FOXN3: variants seen among roughly 807,000 people sequenced by gnomAD.
The protein encoded by FOXN3 is forkhead box protein N3.
In FOXN3, 7 loss-of-function variants were observed where a neutral mutation model predicts 38.4. That is an observed-to-expected ratio of 0.18 (90% CI 0.10 to 0.34). The LOEUF is 0.34. Among genes scored for constraint, FOXN3 ranks in the 10% least tolerant of loss-of-function variants. The pLI is 1.00. For synonymous variants in FOXN3, 230 were observed against 242.2 expected, an observed-to-expected ratio of 0.95 and a Z score of 0.47; for missense variants, 456 against 613.4, an observed-to-expected ratio of 0.74 and a Z score of 2.71.
In FOXN3 at chr14:89,417,098, C is replaced by T. The variant is rs1185971729; in HGVS notation, c.-242G>A. The T allele has an allele frequency of 7.0e-6, 1 of 143,662 alleles. No individual in the cohort carries two copies. Among genetic ancestry groups the T allele is most frequent in the Non-Finnish European group, 1.5e-5 (1 of 64,866 alleles). The allele number at this position is 143,662 out of a possible 1,614,324, so 8.9% of individuals were successfully genotyped here. ...GACCTGCGGCGTCCGCCGGGCGCGCCGCGCGTCCTCCCGCCGGCCCCGCCG... is the reference window on the plus strand; with the variant it reads ...GACCTGCGGCGTCCGCCGGGCGCGCTGCGCGTCCTCCCGCCGGCCCCGCCG... On this transcript the variant is annotated 5_prime_UTR_variant, in exon 1 of 6. Transcript: ENST00000557258.
chr14:89,527,067 A>G (rs1289898142), intron 1 of FOXN3, among the ~76,000 whole-genome samples: 1 of 147,540 alleles, frequency 6.8e-6, no homozygotes, highest in East Asian at 2.1e-4. Flanking sequence ...AGGAGGAGGA[A>G]GGGGAAGGGA....
chr14:89,341,741 G>A (rs773769600), intron 3 of FOXN3, among the ~76,000 whole-genome samples: 8 of 152,076 alleles, frequency 5.3e-5, no homozygotes, highest in Non-Finnish European at 1.2e-4. Flanking sequence ...CGTTGTACAC[G>A]GTTGATTTCA....
At chr14:89,310,127 C>T (rs1011583903) in intron 3 of FOXN3, among the ~76,000 whole-genome samples, 3 of 152,206 alleles carry the variant, frequency 2.0e-5, no homozygotes, top group Admixed American at 2.0e-4. Flanking sequence ...GGGCATAATA[C>T]CAGCCACAAG....
At chr14:89,299,938 T>C (rs1444669287) in intron 3 of FOXN3, among the ~76,000 whole-genome samples, 1 of 152,172 alleles carries the variant, frequency 6.6e-6, no homozygotes, top group Non-Finnish European at 1.5e-5. Context: ...CATTTCAACT[T>C]GAACTGAATC....
chr14:89,225,317 T>C (rs1165162764), intron 4 of FOXN3, among the ~76,000 whole-genome samples: 1 of 148,964 alleles, frequency 6.7e-6, no homozygotes, highest in East Asian at 2.0e-4. Context: ...AAATATATAA[T>C]ACAAAAGCCG....
At chr14:89,248,549 C>T (rs576679241) in intron 4 of FOXN3, among the ~76,000 whole-genome samples, 1 of 152,260 alleles carries the variant, frequency 6.6e-6, no homozygotes, top group East Asian at 1.9e-4. Context: ...GAAATGATGC[C>T]CTGGGGGGAA....
intron 1 of FOXN3, among the ~76,000 whole-genome samples, chr14:89,498,206 CTCTCT>C (rs1467741083): frequency 2.3e-5 from 3 of 133,018 alleles, no homozygotes; most frequent in South Asian, 2.3e-4. Context: ...CTCTCTCTCT[CTCTCT>C]TTTTTTTTTT....
chr14:89,357,791 A>C (rs1410002845), intron 2 of FOXN3, among the ~76,000 whole-genome samples: 2 of 152,172 alleles, frequency 1.3e-5, no homozygotes, highest in African/African-American at 4.8e-5. Context: ...ATACTTTGTG[A>C]TGTTCTCATG....
At chr14:89,272,773 A>C (rs1428712532) in intron 4 of FOXN3, among the ~76,000 whole-genome samples, 2 of 152,206 alleles carry the variant, frequency 1.3e-5, no homozygotes, top group African/African-American at 4.8e-5. Flanking sequence ...GAATCACTTG[A>C]ATCTGGGAAG....
intron 1 of FOXN3, among the ~76,000 whole-genome samples, chr14:89,556,996 G>C (rs1871167372): frequency 6.6e-6 from 1 of 152,212 alleles, no homozygotes; most frequent in Non-Finnish European, 1.5e-5. Flanking sequence ...ACCGGAACCT[G>C]TGGGGTGGGA....
chr14:89,496,426 GCCAC>G (rs1356283541), intron 1 of FOXN3, among the ~76,000 whole-genome samples: 3 of 151,784 alleles, frequency 2.0e-5, no homozygotes, highest in Non-Finnish European at 4.4e-5. Flanking sequence ...TACACCCCGC[GCCAC>G]CTTCCTTCCC....
intron 1 of FOXN3, among the ~76,000 whole-genome samples, chr14:89,590,568 C>G (rs745540873): frequency 1.3e-5 from 2 of 152,082 alleles, no homozygotes; most frequent in African/African-American, 2.4e-5. Context: ...AGTTGGGGCT[C>G]AGGAAACAAT....
chr14:89,339,237 G>A lies in FOXN3; in HGVS notation c.680+11435C>T, dbSNP rs1010340380. Among the ~76,000 whole-genome samples, 3 of 152,288 alleles carry A rather than the reference G, an allele frequency of 2.0e-5. No homozygotes were observed. In the East Asian group the frequency reaches 5.8e-4, roughly 29 times the overall value. On this transcript the variant is annotated intron_variant, in intron 3 of 5. Coordinates refer to ENST00000557258, the MANE Select transcript of FOXN3 (RefSeq NM_005197.4). ...GATCTGCCCGCCTCGGCCTCCCAAA[G>A]TGCTGAGATTACAGGTGTGAGCCAC...
In FOXN3 at chr14:89,162,875, T is replaced by C; in HGVS notation, c.946A>G (p.Ser316Gly). 6.2e-7 allele frequency: 1 copy of C among 1,611,784 alleles called. No individual in the cohort carries two copies. The highest frequency in any genetic ancestry group is 8.5e-7 in the Non-Finnish European group (1 of 1,179,864). Residue 316 changes from serine (S) to glycine (G), a missense_variant, in exon 6 of 6, where the codon AGC (serine) becomes GGC (glycine). Physicochemically the swap from Ser to Gly is moderately conservative, Grantham distance 56 (BLOSUM62 0). Around this residue, in one of 3 missense-constraint regions of FOXN3, gnomAD observed 386 missense variants for 505.2 expected, o/e 0.76. Coordinates refer to ENST00000557258, the MANE Select transcript of FOXN3 (RefSeq NM_005197.4). This position sits in a 1 kb window ranked among gnomAD's most constrained non-coding sequence, Gnocchi z 7.2. ...CGGGCGTTGGAGGACTTGGCACTGC[T>C]GTAGTTGTGATCCTCCTTGGGGTCT... ...SGDPKEDHNY[S>G]SAKSSNARST...
At chr14:89,312,284 C>CAA (rs59949946) in intron 3 of FOXN3, among the ~76,000 whole-genome samples, 15 of 60,596 alleles carry the variant, frequency 2.5e-4, no homozygotes, top group Admixed American at 1.0e-3. Context: ...GACTCGGTCT[C>CAA]AAAAAAAAAA....
intron 1 of FOXN3, among the ~76,000 whole-genome samples, chr14:89,519,792 G>A (rs991073727): frequency 1.3e-5 from 2 of 152,190 alleles, no homozygotes; most frequent in Non-Finnish European, 2.9e-5. Context: ...TAAAAGTTAG[G>A]AAAGGAGTGG....
chr14:89,329,396 C>G (rs918423671), intron 3 of FOXN3, among the ~76,000 whole-genome samples: 13 of 152,156 alleles, frequency 8.5e-5, no homozygotes, highest in African/African-American at 1.7e-4. Context: ...CAGTGGTCCT[C>G]AACTGGGGTT....
intron 1 of FOXN3, among the ~76,000 whole-genome samples, chr14:89,437,809 G>T (rs748294570): frequency 1.3e-5 from 2 of 152,102 alleles, no homozygotes; most frequent in Non-Finnish European, 2.9e-5. Flanking sequence ...ATTACTGTAG[G>T]AACCCAACCT....
chr14:89,380,185 T>C (rs1308529426), intron 2 of FOXN3, among the ~76,000 whole-genome samples: 2 of 152,222 alleles, frequency 1.3e-5, no homozygotes, highest in African/African-American at 4.8e-5. Context: ...TGATAGTGAA[T>C]ATGTCTCACA....
Sources: allele counts gnomAD v4.1 joint callset (sites outside exome capture counted in the v4.1 genomes callset), GRCh38; gene constraint gnomAD v4.1.1; regional missense constraint gnomAD v4.1.1; non-coding constraint Gnocchi (gnomAD v3.1); transcripts MANE v1.5; gene names NCBI Gene and HGNC (gene_info 2026-07-23, HGNC 2026-07-21).